The following DOCK1 variants were observed in gnomAD, a reference collection of about 807,000 sequenced individuals.
DOCK1 encodes the protein dedicator of cytokinesis protein 1.
DOCK1 carries 138 observed loss-of-function variants against 262.7 expected under a neutral mutation model. The ratio of observed to expected loss-of-function variants is 0.53; its 90% CI spans 0.46 to 0.61. The LOEUF is 0.61. Among genes scored for constraint, DOCK1 ranks in the 20% least tolerant of loss-of-function variants. DOCK1 has a pLI of 0.00. For missense variants in DOCK1, 1,908 were observed against 2,370.7 expected (o/e 0.80, Z 4.05); for synonymous variants, 866 against 867.4 (o/e 1.00, Z 0.03).
chr10:127,137,911 A>G, intron 27 of DOCK1: 1 of 1,614,114 alleles, frequency 6.2e-7, no homozygotes. Flanking sequence ...GTTGAGGAGT[A>G]AGTCTCCTGA....
In DOCK1 at chr10:127,443,634, AC is replaced by A. The variant is rs569988884; in HGVS notation, c.5260-490del. Among the ~76,000 whole-genome samples the A allele has an allele frequency of 2.4e-3, 365 of 152,128 alleles. 3 individuals carry two copies. The highest frequency in any genetic ancestry group is 8.0e-3 in the African/African-American group (331 of 41,492). On this transcript the variant is annotated intron_variant, in intron 49 of 51. Transcript: ENST00000623213. Reference sequence around the variant, plus strand: ...CTACCTAATGGCGGCATTGCTCATTACCGCCACCCCAAGAAGGTCATACAGT... The same window carrying A: ...CTACCTAATGGCGGCATTGCTCATTACGCCACCCCAAGAAGGTCATACAGT...
intron 37 of DOCK1, among the ~76,000 whole-genome samples, chr10:127,384,425 C>G (rs994610532): frequency 6.6e-6 from 1 of 152,216 alleles, no homozygotes; most frequent in African/African-American, 2.4e-5. Flanking sequence ...AAAATGCCAA[C>G]CCACGCAGCA....
At chr10:126,912,735 A>C (rs1419295601) in intron 1 of DOCK1, among the ~76,000 whole-genome samples, 1 of 151,874 alleles carries the variant, frequency 6.6e-6, no homozygotes, top group Non-Finnish European at 1.5e-5. Context: ...CGGAAAAAAA[A>C]AAAAAAAAAG....
At chr10:127,146,490 AG>A (rs2051865362) in intron 27 of DOCK1, among the ~76,000 whole-genome samples, 1 of 152,228 alleles carries the variant, frequency 6.6e-6, no homozygotes, top group Non-Finnish European at 1.5e-5. Flanking sequence ...ATTTTCAAGA[AG>A]AATTTAGAGA....
At chr10:127,374,551 A>G (rs1331236011) in intron 35 of DOCK1, among the ~76,000 whole-genome samples, 1 of 152,208 alleles carries the variant, frequency 6.6e-6, no homozygotes, top group Non-Finnish European at 1.5e-5. Context: ...TATGTAGTAC[A>G]TAGGCTGAAT....
intron 46 of DOCK1, among the ~76,000 whole-genome samples, chr10:127,424,134 C>G (rs949602043): frequency 3.3e-4 from 51 of 152,290 alleles, no homozygotes; most frequent in African/African-American, 1.2e-3. Flanking sequence ...CTCTTATCTT[C>G]TTTCATTTAG....
At chr10:127,214,652 G>A (rs1424706837) in intron 27 of DOCK1, among the ~76,000 whole-genome samples, 2 of 152,176 alleles carry the variant, frequency 1.3e-5, no homozygotes, top group Non-Finnish European at 2.9e-5. Flanking sequence ...CCTGCATTTA[G>A]CGATCTCCAG....
rs563680545 is a variant in DOCK1, at chr10:127,076,357, T to C, written c.2445+14581T>C. 5.2e-4 allele frequency among the ~76,000 whole-genome samples: 79 copies of C among 152,232 alleles called. 1 individual carries two copies. The South Asian group carries it at 9.7e-3, about 19-fold the overall frequency. The stretch of plus-strand genomic sequence containing the variant: ...TCTACTAAAAATACAAAAAATTAGC[T>C]AGGCGTGGTGGCTGGCGCCTGTAGT... On this transcript the variant is annotated intron_variant, in intron 23 of 51. Transcript: ENST00000623213.
At chr10:127,059,007 G>T (rs1251402802) in intron 22 of DOCK1, among the ~76,000 whole-genome samples, 2 of 151,990 alleles carry the variant, frequency 1.3e-5, no homozygotes, top group Admixed American at 1.3e-4. Context: ...ATTTCTTTTA[G>T]TGTTGGCCAG....
intron 1 of DOCK1, among the ~76,000 whole-genome samples, chr10:126,919,973 A>G (rs35822834): frequency 0.25 from 37,920 of 152,060 alleles, 5,034 homozygotes; most frequent in Middle Eastern, 0.32. Context: ...TGGAGGGGGC[A>G]CCACTTCCAG....
intron 28 of DOCK1, among the ~76,000 whole-genome samples, chr10:127,252,001 A>G (rs1380295357): frequency 1.3e-5 from 2 of 152,084 alleles, no homozygotes; most frequent in African/African-American, 2.4e-5. Flanking sequence ...CAGTCCCACC[A>G]ACAGTGTAAA....
chr10:127,168,565 A>C (rs2054285747), intron 27 of DOCK1, among the ~76,000 whole-genome samples: 1 of 152,184 alleles, frequency 6.6e-6, no homozygotes, highest in South Asian at 2.1e-4. Context: ...GAGACTGTCT[A>C]ATGTCACCCA....
chr10:126,913,470 C>A (rs950703679), intron 1 of DOCK1, among the ~76,000 whole-genome samples: 3 of 152,236 alleles, frequency 2.0e-5, no homozygotes, highest in Admixed American at 1.3e-4. Flanking sequence ...AGGCTGGCTT[C>A]TGTCCTCCAC....
At chr10:127,401,990 C>T (rs2067252650) in intron 38 of DOCK1, among the ~76,000 whole-genome samples, 1 of 152,200 alleles carries the variant, frequency 6.6e-6, no homozygotes, top group African/African-American at 2.4e-5. Context: ...CGTGGTTCCC[C>T]TCAGGACTGG....
At chr10:127,352,311 C>T (rs1296373310) in intron 31 of DOCK1, among the ~76,000 whole-genome samples, 2 of 7,884 alleles carry the variant, frequency 2.5e-4, no homozygotes, top group Non-Finnish European at 4.8e-4. Flanking sequence ...TGAAGAGGAG[C>T]GGGGAGGGGT....
rs553393787 is a variant in DOCK1 at position 127,130,162 on chromosome 10, C to A, written c.2847+2398C>A. Among the ~76,000 whole-genome samples the A allele has an allele frequency of 3.4e-5, 5 of 148,566 alleles. No homozygotes were observed. In the East Asian group the frequency reaches 1.0e-3, roughly 30 times the overall value. On this transcript the variant is annotated intron_variant, in intron 27 of 51. Transcript: ENST00000623213. The stretch of plus-strand genomic sequence containing the variant: ...GCAGTGGTGCAATCTTGACTCACTG[C>A]AACCTCTGTCTCCTGGGTTCAAGTG...
chr10:127,435,916 C>G (rs989267439), intron 48 of DOCK1, among the ~76,000 whole-genome samples: 2 of 152,178 alleles, frequency 1.3e-5, no homozygotes, highest in Non-Finnish European at 2.9e-5. Flanking sequence ...ATTTAAAACT[C>G]CACCTGCCTT....
intron 23 of DOCK1, among the ~76,000 whole-genome samples, chr10:127,104,410 C>T (rs560417447): frequency 3.3e-5 from 5 of 152,120 alleles, no homozygotes; most frequent in African/African-American, 7.2e-5. Context: ...CATTTAAGAT[C>T]GGTGATCTAT....
In DOCK1 at chr10:127,042,714, G is replaced by A; in HGVS notation, c.2100G>A (p.Leu700=). Residue 700 remains leucine (L), a splice_region_variant and synonymous_variant, in exon 20 of 52, where the codon CTG becomes CTA. Transcript: ENST00000623213. The stretch of plus-strand genomic sequence containing the variant: ...TTGACACGTTAGTCTTTGATGCTCT[G>A]GTAAGAGAGCTTTCCTTCTCATATG... ...ETFDTLVFDA[L]VFIIGLIADR... 1 of 1,613,726 alleles carries A rather than the reference G, an allele frequency of 6.2e-7. No homozygotes were observed. The highest frequency in any genetic ancestry group is 8.5e-7 in the Non-Finnish European group (1 of 1,179,716).
Sources: gnomAD v4.1 joint callset for allele counts (sites outside exome capture counted in the v4.1 genomes callset) on GRCh38, gnomAD v4.1.1 for gene constraint, MANE v1.5 for transcripts, NCBI Gene and HGNC (gene_info 2026-07-23, HGNC 2026-07-21) for gene names.